Variants in LRRC61 observed in about 807,000 individuals in gnomAD.
LRRC61 encodes leucine-rich repeat-containing protein 61.
Under a neutral mutation model 15.1 loss-of-function variants are expected in LRRC61, and 9 were observed. The ratio of observed to expected loss-of-function variants is 0.60; its 90% CI spans 0.36 to 1.04. LRRC61 has a LOEUF of 1.04. LRRC61 is among the 50% of genes least tolerant of loss of function. The pLI, the probability that LRRC61 is intolerant of heterozygous loss-of-function variation, is 0.01. For synonymous variants in LRRC61, 173 were observed against 158.6 expected (o/e 1.09, Z -0.68); for missense variants, 344 against 335.6 (o/e 1.03, Z -0.20).
Position 150,330,676 on chromosome 7 carries a change from G to A in LRRC61, c.-145+4666G>A, listed in dbSNP as rs1192622147. 1.5e-6 allele frequency: 2 copies of A among 1,345,902 alleles called. No homozygotes were observed. The highest frequency in any genetic ancestry group is 2.3e-5 in the East Asian group (1 of 43,656). The allele number at this position is 1,345,902 out of a possible 1,614,324, so 83.4% of individuals were successfully genotyped here. ...GGGAAGATTGAGGCCATCCTGCCAT[G>A]GGGGCCGACCGACATTGACCACTGG... is the stretch of plus-strand genomic sequence containing the variant. On this transcript the variant is annotated intron_variant, in intron 2 of 2. Coordinates refer to ENST00000359623, the MANE Select transcript of LRRC61 (RefSeq NM_001142928.2). This position sits in a 1 kb window ranked among gnomAD's most constrained non-coding sequence, Gnocchi z 4.6.
At chr7:150,331,120 A>G in intron 2 of LRRC61, 1 of 1,606,366 alleles carries the variant, frequency 6.2e-7, no homozygotes, top group South Asian at 1.1e-5. Flanking sequence ...CTCTGAAAGC[A>G]TCTTTGCCTC....
At chr7:150,322,807 G>A (rs900408448), upstream of LRRC61, 1 of 152,248 alleles carries the variant, frequency 6.6e-6, no homozygotes, top group Admixed American at 6.5e-5. Flanking sequence ...TTAGGGCCTG[G>A]ATCGGGACCC....
chr7:150,309,697 C>T, the LRRC61 span, among the ~76,000 whole-genome samples: 1 of 152,230 alleles, frequency 6.6e-6, no homozygotes, highest in Non-Finnish European at 1.5e-5. Flanking sequence ...CGTGTCCCAC[C>T]TGTGCGGGAC....
chr7:150,333,693 G>A lies in LRRC61; in HGVS notation c.-144-3025G>A, dbSNP rs540824530. On this transcript the variant is annotated intron_variant, in intron 2 of 2. Transcript: ENST00000359623. The surrounding 1 kb of genome is among the most constrained non-coding windows in gnomAD (Gnocchi z 4.3). ...CCAGACTCTGTTGCTGGGCCAGGAGGTCTCTGTTCCCTTCATTTCCATAGT... is the reference window on the plus strand; with the variant it reads ...CCAGACTCTGTTGCTGGGCCAGGAGATCTCTGTTCCCTTCATTTCCATAGT... 5.3e-5 allele frequency among the ~76,000 whole-genome samples: 8 copies of A among 152,358 alleles called. No individual in the cohort carries two copies. Among genetic ancestry groups the A allele is most frequent in the African/African-American group, 1.9e-4 (8 of 41,578 alleles).
Position 150,330,189 on chromosome 7 carries a change from C to A in LRRC61, c.-145+4179C>A. 1 of 589,474 alleles carries A rather than the reference C, an allele frequency of 1.7e-6. No homozygotes were observed. Among genetic ancestry groups the A allele is most frequent in the Middle Eastern group, 4.5e-4 (1 of 2,228 alleles). The allele number at this position is 589,474 out of a possible 1,614,324, so 36.5% of individuals were successfully genotyped here. ...GGAGGCCCAGGGACTCCTCACCCAG[C>A]TCCAGCGCCAGCGCAGCCTCCTAGC... is the stretch of plus-strand genomic sequence containing the variant. On this transcript the variant is annotated intron_variant, in intron 2 of 2. Transcript: ENST00000359623. This position sits in a 1 kb window ranked among gnomAD's most constrained non-coding sequence, Gnocchi z 4.6.
the LRRC61 span, among the ~76,000 whole-genome samples, chr7:150,317,546 T>C: frequency 6.6e-6 from 1 of 152,242 alleles, no homozygotes; most frequent in South Asian, 2.1e-4. Flanking sequence ...ATTTTCCAGT[T>C]AATAAGCCTC....
intron 1 of LRRC61, 140 bp downstream of exon 1, chr7:150,323,700 C>T (rs1017564699): frequency 8.8e-6 from 4 of 455,964 alleles, no homozygotes; most frequent in Admixed American, 2.3e-5. Context: ...TCCGGAACAG[C>T]CAGCCCTTAC....
At chr7:150,329,620 G>T (rs1406259306) in intron 2 of LRRC61, among the ~76,000 whole-genome samples, 3 of 152,222 alleles carry the variant, frequency 2.0e-5, no homozygotes, top group Non-Finnish European at 4.4e-5. Context: ...TCCCTCAGAA[G>T]GTAGTGGCTG....
In LRRC61 at chr7:150,330,285, C is replaced by G; in HGVS notation, c.-145+4275C>G. 1 of 640,390 alleles carries G rather than the reference C, an allele frequency of 1.6e-6. No individual in the cohort carries two copies. The highest frequency in any genetic ancestry group is 1.8e-5 in the South Asian group (1 of 56,580). The allele number at this position is 640,390 out of a possible 1,614,324, so 39.7% of individuals were successfully genotyped here. A position where few individuals can be genotyped will look rare whatever the true frequency, so the allele number is the denominator to read the frequency against. On this transcript the variant is annotated intron_variant, in intron 2 of 2. Transcript: ENST00000359623. The surrounding 1 kb of genome is among the most constrained non-coding windows in gnomAD (Gnocchi z 4.6). ...CCACCTGCTGGAGTGGCTGGTGGAG[C>G]AGCAGCAGCCCCTTCAAGAGTACAA...
chr7:150,337,264 C>A lies in LRRC61; in HGVS notation c.403C>A (p.Arg135=). 1 of 1,603,548 alleles carries A rather than the reference C, an allele frequency of 6.2e-7. No individual in the cohort carries two copies. The highest frequency in any genetic ancestry group is 8.5e-7 in the Non-Finnish European group (1 of 1,179,882). The change falls in exon 3 of 3, where the codon CGG becomes AGG. Residue 135 remains arginine, a synonymous_variant. Transcript: ENST00000359623. ...CCTGCGGCTCCGAGACCCTTTGGCCCGGCTCAGCAACCCGCTCTGTGCCAA... is the reference window on the plus strand; with the variant it reads ...CCTGCGGCTCCGAGACCCTTTGGCCAGGCTCAGCAACCCGCTCTGTGCCAA... ...EYLRLRDPLA[R]LSNPLCANPS... is the part of the protein sequence containing the mutation.
chr7:150,337,219 G>A lies in LRRC61; in HGVS notation c.358G>A (p.Gly120Arg), dbSNP rs769019408. 6.2e-7 allele frequency: 1 copy of A among 1,605,162 alleles called. No homozygotes were observed. The highest frequency in any genetic ancestry group is 1.1e-5 in the South Asian group (1 of 91,072). The change falls in exon 3 of 3, where the codon GGG (glycine) becomes AGG (arginine). Residue 120 changes from glycine to arginine, a missense_variant. Transcript: ENST00000359623. ...CCCGGGCCAGCTGCAGTGTCTGGCT[G>A]GGCTACCGTGCCTGGAGTACCTGCG... The part of the protein sequence containing the change: ...ATPGQLQCLA[G>R]LPCLEYLRLR...
rs1798368616 is a variant in LRRC61, at chr7:150,338,011, G to A, written c.*370G>A. 6 of 406,294 alleles carry A rather than the reference G, an allele frequency of 1.5e-5. No homozygotes were observed. The highest frequency in any genetic ancestry group is 1.4e-4 in the South Asian group (6 of 42,280). The allele number at this position is 406,294 out of a possible 1,614,324, so 25.2% of individuals were successfully genotyped here. A position where few individuals can be genotyped will look rare whatever the true frequency, so the allele number is the denominator to read the frequency against. On this transcript the variant is annotated 3_prime_UTR_variant, in exon 3 of 3. Coordinates refer to ENST00000359623, the MANE Select transcript of LRRC61 (RefSeq NM_001142928.2). ...TGTTGGGAGACAGTAGGCAGGCTGA[G>A]TGGCCCAGAGCACTCCTGGAAGTGG...
chr7:150,331,949 C>T (rs897923386), intron 2 of LRRC61: 1 of 167,112 alleles, frequency 6.0e-6, no homozygotes. Flanking sequence ...GACCAGCTAG[C>T]TAGGAGAGCT....
chr7:150,330,782 C>T lies in LRRC61; in HGVS notation c.-145+4772C>T. 1 of 1,613,734 alleles carries T rather than the reference C, an allele frequency of 6.2e-7. No homozygotes were observed. The highest frequency in any genetic ancestry group is 8.5e-7 in the Non-Finnish European group (1 of 1,179,990). The stretch of plus-strand genomic sequence containing the variant: ...ACTCCCCAAGTCCCCTGCAAAGCCC[C>T]AGGGGTCTGTGCGTGGACCCCACCA... On this transcript the variant is annotated intron_variant, in intron 2 of 2. Transcript: ENST00000359623. This position sits in a 1 kb window ranked among gnomAD's most constrained non-coding sequence, Gnocchi z 4.6.
chr7:150,314,939 A>G, the LRRC61 span, among the ~76,000 whole-genome samples: 1 of 136,230 alleles, frequency 7.3e-6, no homozygotes, highest in Non-Finnish European at 1.6e-5. Context: ...ATGACAAAGC[A>G]AGACCCAGTT....
upstream of LRRC61, among the ~76,000 whole-genome samples, chr7:150,320,779 A>G (rs1182259514): frequency 6.6e-6 from 1 of 152,036 alleles, no homozygotes; most frequent in East Asian, 1.9e-4. Flanking sequence ...AAAAACAAAA[A>G]CAAGAATGCC....
chr7:150,323,464 C>T lies in LRRC61; in HGVS notation c.-411C>T, dbSNP rs954570237. On this transcript the variant is annotated 5_prime_UTR_variant, in exon 1 of 3. Transcript: ENST00000359623. ...GGCGGCGGGCGGCGGGGCTGCGGCTCTTACCTGCCGAGGAGGCGCCGGCTC... is the reference window on the plus strand; with the variant it reads ...GGCGGCGGGCGGCGGGGCTGCGGCTTTTACCTGCCGAGGAGGCGCCGGCTC... 2.5e-6 allele frequency: 1 copy of T among 394,118 alleles called. No homozygotes were observed. Among genetic ancestry groups the T allele is most frequent in the East Asian group, 1.0e-4 (1 of 9,662 alleles). The allele number at this position is 394,118 out of a possible 1,614,324, so 24.4% of individuals were successfully genotyped here.
chr7:150,334,938 C>T (rs1028691228), intron 2 of LRRC61, among the ~76,000 whole-genome samples: 11 of 151,504 alleles, frequency 7.3e-5, no homozygotes, highest in South Asian at 2.1e-4. Context: ...AGGAGAATCG[C>T]TTGAACCCAG....
chr7:150,319,814 A>G (rs1368020212), upstream of LRRC61, among the ~76,000 whole-genome samples: 1 of 152,202 alleles, frequency 6.6e-6, no homozygotes, highest in Non-Finnish European at 1.5e-5. Flanking sequence ...CCCTGCAAAC[A>G]GGGCAAACAG....
Sources: allele counts gnomAD v4.1 joint callset (sites outside exome capture counted in the v4.1 genomes callset), GRCh38; gene constraint gnomAD v4.1.1; non-coding constraint Gnocchi (gnomAD v3.1); transcripts MANE v1.5; gene names NCBI Gene and HGNC (gene_info 2026-07-23, HGNC 2026-07-21).